Variants in ANKIB1 observed in about 807,000 individuals in gnomAD.
The protein encoded by ANKIB1 is ankyrin repeat and IBR domain-containing protein 1.
ANKIB1 carries 43 observed loss-of-function variants against 122.1 expected under a neutral mutation model. The observed-to-expected ratio is 0.35, with a 90% CI of 0.28 to 0.45. ANKIB1 has a LOEUF of 0.45. Among genes scored for constraint, ANKIB1 ranks in the 20% least tolerant of loss-of-function variants. ANKIB1 has a pLI of 1.00. For missense variants in ANKIB1, 992 were observed against 1,329.5 expected (o/e 0.75, Z 3.95); for synonymous variants, 390 against 442.0 (o/e 0.88, Z 1.48).
At chr7:92,296,623 C>T (rs543631589) in intron 2 of ANKIB1, among the ~76,000 whole-genome samples, 2 of 152,136 alleles carry the variant, frequency 1.3e-5, no homozygotes, top group Non-Finnish European at 2.9e-5. Flanking sequence ...TTGTTTGCCT[C>T]ACGTATTTGC....
intron 1 of ANKIB1, among the ~76,000 whole-genome samples, chr7:92,264,406 T>C (rs1254529116): frequency 2.0e-5 from 3 of 152,048 alleles, no homozygotes; most frequent in Non-Finnish European, 4.4e-5. Context: ...TTTTTTTTTT[T>C]TTAAATTTTG....
At chr7:92,262,241 A>G (rs1477805337) in intron 1 of ANKIB1, among the ~76,000 whole-genome samples, 3 of 152,208 alleles carry the variant, frequency 2.0e-5, no homozygotes, top group African/African-American at 2.4e-5. Flanking sequence ...CTAAGATTCC[A>G]TATCTATAGC....
intron 4 of ANKIB1, among the ~76,000 whole-genome samples, chr7:92,320,807 T>C (rs1802894820): frequency 6.6e-6 from 1 of 152,198 alleles, no homozygotes; most frequent in Non-Finnish European, 1.5e-5. Context: ...AATGACATTT[T>C]AAATGTTATA....
chr7:92,356,304 G>A lies in ANKIB1; in HGVS notation c.1397+3662G>A, dbSNP rs894288888. The stretch of plus-strand genomic sequence containing the variant: ...TGTCTCATCTTTTCTTACAAAACCA[G>A]TTTTAAGCCCTTAGATTAACAGCTC... On this transcript the variant is annotated intron_variant, in intron 9 of 19. Coordinates refer to ENST00000265742, the MANE Select transcript of ANKIB1 (RefSeq NM_019004.2). Among the ~76,000 whole-genome samples the A allele has an allele frequency of 5.9e-5, 9 of 152,162 alleles. No homozygotes were observed. In the East Asian group the frequency reaches 1.7e-3, roughly 29 times the overall value.
chr7:92,354,166 A>T (rs573246995), intron 9 of ANKIB1, among the ~76,000 whole-genome samples: 1 of 152,312 alleles, frequency 6.6e-6, no homozygotes, highest in Non-Finnish European at 1.5e-5. Flanking sequence ...TTGACTGAAG[A>T]TAAGAAAGCT....
At chr7:92,367,354 G>A (rs1393744165) in intron 10 of ANKIB1, among the ~76,000 whole-genome samples, 2 of 152,178 alleles carry the variant, frequency 1.3e-5, no homozygotes, top group African/African-American at 4.8e-5. Flanking sequence ...AATTTAGGGC[G>A]AGGATTAAAG....
At chr7:92,395,740 T>A (rs1281439486) in intron 17 of ANKIB1, 1 of 152,196 alleles carries the variant, frequency 6.6e-6, no homozygotes, top group East Asian at 2.0e-4. Flanking sequence ...GGTTTCACCA[T>A]GTTGGCCAGG....
chr7:92,272,673 T>C (rs962137980), intron 1 of ANKIB1, among the ~76,000 whole-genome samples: 1 of 152,142 alleles, frequency 6.6e-6, no homozygotes, highest in African/African-American at 2.4e-5. Context: ...TTATTTTGCA[T>C]ATGGAGAATA....
chr7:92,309,923 T>TAAAAAAAAAAA (rs869276384), intron 3 of ANKIB1, among the ~76,000 whole-genome samples: 8 of 96,040 alleles, frequency 8.3e-5, no homozygotes, highest in South Asian at 7.4e-4. Flanking sequence ...AGACTCCATC[T>TAAAAAAAAAAA]AAAAAAAAAA....
intron 17 of ANKIB1, among the ~76,000 whole-genome samples, chr7:92,393,364 T>A (rs1804825897): frequency 6.6e-6 from 1 of 152,092 alleles, no homozygotes; most frequent in African/African-American, 2.4e-5. Flanking sequence ...ATTAATGAAA[T>A]TTTTATTTTA....
At chr7:92,280,216 C>T (rs771960443) in intron 1 of ANKIB1, among the ~76,000 whole-genome samples, 4 of 152,220 alleles carry the variant, frequency 2.6e-5, no homozygotes, top group Non-Finnish European at 5.9e-5. Flanking sequence ...CATTTTACAT[C>T]ACTTTCATCA....
chr7:92,388,346 A>G (rs941011195), intron 14 of ANKIB1, among the ~76,000 whole-genome samples: 2 of 152,260 alleles, frequency 1.3e-5, no homozygotes, highest in African/African-American at 4.8e-5. Flanking sequence ...GTGGATGGGT[A>G]CTAAAGGACA....
intron 5 of ANKIB1, among the ~76,000 whole-genome samples, chr7:92,331,578 A>T (rs574001363): frequency 1.3e-5 from 2 of 152,160 alleles, no homozygotes; most frequent in Admixed American, 6.5e-5. Context: ...CTGGCCAACA[A>T]CATCACTTCT....
chr7:92,367,298 T>C (rs1431420390), intron 10 of ANKIB1, among the ~76,000 whole-genome samples: 1 of 152,198 alleles, frequency 6.6e-6, no homozygotes, highest in African/African-American at 2.4e-5. Context: ...ATTTGTGTCC[T>C]CCACACTGAA....
chr7:92,319,785 A>C, intron 4 of ANKIB1: 1 of 320,820 alleles, frequency 3.1e-6, no homozygotes, highest in Non-Finnish European at 5.7e-6. Context: ...AATTTTAAAA[A>C]TTTGCCAGGA....
intron 7 of ANKIB1, among the ~76,000 whole-genome samples, chr7:92,345,646 C>T (rs759177083): frequency 6.6e-6 from 1 of 152,178 alleles, no homozygotes; most frequent in Non-Finnish European, 1.5e-5. Context: ...TCTCATGTTG[C>T]ACTTTTCGAG....
chr7:92,377,091 G>C (rs1804398579), intron 11 of ANKIB1, among the ~76,000 whole-genome samples: 1 of 152,152 alleles, frequency 6.6e-6, no homozygotes, highest in South Asian at 2.1e-4. Context: ...CTAGCTTTCA[G>C]CTTATCTTGG....
chr7:92,350,612 C>A (rs540828416), intron 7 of ANKIB1, among the ~76,000 whole-genome samples: 21 of 152,222 alleles, frequency 1.4e-4, no homozygotes, highest in Non-Finnish European at 2.5e-4. Flanking sequence ...AACCCCAGGG[C>A]TTTGGGAGGC....
At chr7:92,249,366 G>C (rs1374277799) in intron 1 of ANKIB1, among the ~76,000 whole-genome samples, 1 of 152,066 alleles carries the variant, frequency 6.6e-6, no homozygotes, top group African/African-American at 2.4e-5. Flanking sequence ...GCCTTTATTG[G>C]CTTCTCTTAC....
Sources: allele counts gnomAD v4.1 joint callset (sites outside exome capture counted in the v4.1 genomes callset), GRCh38; gene constraint gnomAD v4.1.1; transcripts MANE v1.5; gene names NCBI Gene and HGNC (gene_info 2026-07-23, HGNC 2026-07-21).